The following GFRA1 variants were observed in gnomAD, a reference collection of about 807,000 sequenced individuals.
GFRA1 encodes the protein GDNF family receptor alpha-1.
In GFRA1, 16 loss-of-function variants were observed where a neutral mutation model predicts 51.6. The ratio of observed to expected loss-of-function variants is 0.31; its 90% CI spans 0.21 to 0.47. The LOEUF is 0.47. GFRA1 is among the 20% of genes least tolerant of loss of function. The pLI, the probability that GFRA1 is intolerant of heterozygous loss-of-function variation, is 1.00. For missense variants in GFRA1, 530 were observed against 594.3 expected (o/e 0.89, Z 1.13); for synonymous variants, 270 against 241.3 (o/e 1.12, Z -1.10).
chr10:116,213,716 T>C (rs897952410), intron 4 of GFRA1, among the ~76,000 whole-genome samples: 2 of 152,048 alleles, frequency 1.3e-5, no homozygotes, highest in African/African-American at 4.8e-5. Context: ...ATGCACCTCA[T>C]AGGTTAACAG....
chr10:116,209,786 A>G (rs1229150185), intron 5 of GFRA1, among the ~76,000 whole-genome samples: 2 of 152,030 alleles, frequency 1.3e-5, no homozygotes, highest in Non-Finnish European at 2.9e-5. Context: ...ATATTTTCAT[A>G]AGCAGGATGG....
intron 4 of GFRA1, among the ~76,000 whole-genome samples, chr10:116,223,518 G>A (rs1014480576): frequency 6.6e-6 from 1 of 152,146 alleles, no homozygotes; most frequent in African/African-American, 2.4e-5. Context: ...ATCGTCCCAT[G>A]TCATGGCTGT....
In GFRA1 at chr10:116,272,970, GC is replaced by G. The variant is rs1844070567; in HGVS notation, c.-247+192del. ...CCGCACCCCAGCCCAGGGCGAGCGC[GC>G]CGGCCCGCAGTCCCGGCGTGCCCCG... On this transcript the variant is annotated intron_variant, in intron 1 of 10. Coordinates refer to ENST00000355422, the MANE Select transcript of GFRA1 (RefSeq NM_005264.8). The surrounding 1 kb of genome is among the most constrained non-coding windows in gnomAD (Gnocchi z 4.4). 6.6e-6 allele frequency: 1 copy of G among 152,116 alleles called. No individual in the cohort carries two copies. Among genetic ancestry groups the G allele is most frequent in the African/African-American group, 2.4e-5 (1 of 41,424 alleles). 9.4% of individuals were successfully genotyped at this position (152,116 alleles called of 1,614,324 possible).
Position 116,106,188 on chromosome 10 carries a change from C to A in GFRA1, c.771-9424G>T, listed in dbSNP as rs549892133. On this transcript the variant is annotated intron_variant, in intron 6 of 10. Coordinates refer to ENST00000355422, the MANE Select transcript of GFRA1 (RefSeq NM_005264.8). ...AGAAAGAACTCAGCCCTGCTGACAC[C>A]TTGATTTCAGCCCAGTGAGACCCGA... Among the ~76,000 whole-genome samples the A allele has an allele frequency of 3.3e-5, 5 of 152,282 alleles. No individual in the cohort carries two copies. The South Asian group carries it at 1.0e-3, about 32-fold the overall frequency.
At chr10:116,188,669 C>T (rs555905904) in intron 5 of GFRA1, among the ~76,000 whole-genome samples, 1 of 151,764 alleles carries the variant, frequency 6.6e-6, no homozygotes, top group Admixed American at 6.6e-5. Context: ...TTTGGGAGGC[C>T]GAGGCGGGCA....
chr10:116,098,170 T>C (rs1021044832), intron 6 of GFRA1, among the ~76,000 whole-genome samples: 1 of 152,208 alleles, frequency 6.6e-6, no homozygotes, highest in Admixed American at 6.5e-5. Context: ...CTGCTTTATT[T>C]CCTTTGCACA....
At chr10:116,097,613 G>A (rs1284436827) in intron 6 of GFRA1, among the ~76,000 whole-genome samples, 1 of 152,184 alleles carries the variant, frequency 6.6e-6, no homozygotes, top group Admixed American at 6.5e-5. Flanking sequence ...GGATACTGTT[G>A]GAGAAATCCT....
chr10:116,127,113 AAT>A lies in GFRA1; in HGVS notation c.434-1558_434-1557del, dbSNP rs1216833931. 3.0e-4 allele frequency among the ~76,000 whole-genome samples: 44 copies of A among 145,054 alleles called. No homozygotes were observed. In the East Asian group the frequency reaches 8.8e-3, roughly 29 times the overall value. ...TGGAGAAGAAAATGAAAAAAAAAAAAATGGGGAGTTGCTCTTCAAAGGGAATA... is the reference window on the plus strand; with the variant it reads ...TGGAGAAGAAAATGAAAAAAAAAAAAGGGGAGTTGCTCTTCAAAGGGAATA... On this transcript the variant is annotated intron_variant, in intron 5 of 10. Coordinates refer to ENST00000355422, the MANE Select transcript of GFRA1 (RefSeq NM_005264.8).
At chr10:116,080,815 G>A (rs969690681) in intron 9 of GFRA1, among the ~76,000 whole-genome samples, 2 of 152,198 alleles carry the variant, frequency 1.3e-5, no homozygotes, top group African/African-American at 2.4e-5. Context: ...TCCCCATGGT[G>A]TGGGGAGGAG....
intron 6 of GFRA1, among the ~76,000 whole-genome samples, chr10:116,106,047 G>A (rs1956994177): frequency 6.6e-6 from 1 of 152,156 alleles, no homozygotes; most frequent in Non-Finnish European, 1.5e-5. Flanking sequence ...AAGTGAGGGT[G>A]TCATCGTGAT....
In GFRA1 at chr10:116,125,218, T is replaced by C. The variant is rs759083970; in HGVS notation, c.770+3A>G. ...TAATCACCAGCTGCCAGTGCCCACTTACCTGCAGATGTAATTCGTCTTGCA... is the reference window on the plus strand; with the variant it reads ...TAATCACCAGCTGCCAGTGCCCACTCACCTGCAGATGTAATTCGTCTTGCA... On this transcript the variant is annotated splice_donor_region_variant and intron_variant, in intron 6 of 10. Coordinates refer to ENST00000355422, the MANE Select transcript of GFRA1 (RefSeq NM_005264.8). The C allele has an allele frequency of 3.1e-6, 5 of 1,612,476 alleles. No individual in the cohort carries two copies. The South Asian group carries it at 5.5e-5, about 18-fold the overall frequency.
chr10:116,170,017 CACAT>C (rs1960874222), intron 5 of GFRA1, among the ~76,000 whole-genome samples: 1 of 152,192 alleles, frequency 6.6e-6, no homozygotes, highest in African/African-American at 2.4e-5. Flanking sequence ...TGCACCCACT[CACAT>C]GCATGCACCA....
intron 6 of GFRA1, among the ~76,000 whole-genome samples, chr10:116,110,995 C>T (rs553997343): frequency 6.5e-4 from 99 of 152,258 alleles, no homozygotes; most frequent in Non-Finnish European, 1.3e-3. Flanking sequence ...CTTGAGTCAT[C>T]TGCATCCTAG....
At chr10:116,195,657 AG>A (rs1963674710) in intron 5 of GFRA1, among the ~76,000 whole-genome samples, 1 of 152,198 alleles carries the variant, frequency 6.6e-6, no homozygotes, top group Non-Finnish European at 1.5e-5. Context: ...GCCATGGACC[AG>A]TACCAGTCCA....
intron 5 of GFRA1, among the ~76,000 whole-genome samples, chr10:116,197,105 A>G (rs1251867385): frequency 1.3e-5 from 2 of 151,924 alleles, no homozygotes; most frequent in Admixed American, 1.3e-4. Flanking sequence ...AAGATCCTTC[A>G]TTGCTAGGGT....
At chr10:116,127,223 A>G (rs1957916595) in intron 5 of GFRA1, among the ~76,000 whole-genome samples, 1 of 152,222 alleles carries the variant, frequency 6.6e-6, no homozygotes. Flanking sequence ...TCTATTGTAC[A>G]CTTAAAACTT....
intron 4 of GFRA1, among the ~76,000 whole-genome samples, chr10:116,251,197 G>C (rs1968322488): frequency 6.6e-6 from 1 of 152,164 alleles, no homozygotes; most frequent in South Asian, 2.1e-4. Context: ...AGTTCATCCT[G>C]TCCATGCCAA....
intron 9 of GFRA1, among the ~76,000 whole-genome samples, chr10:116,078,279 A>G (rs1159227224): frequency 6.6e-6 from 1 of 152,222 alleles, no homozygotes; most frequent in African/African-American, 2.4e-5. Context: ...AAAATGCTCT[A>G]TAAGCAGTTA....
chr10:116,135,426 C>T (rs943802148), intron 5 of GFRA1, among the ~76,000 whole-genome samples: 1 of 152,168 alleles, frequency 6.6e-6, no homozygotes, highest in African/African-American at 2.4e-5. Context: ...TATTACAGTT[C>T]CATTGCCAAT....
Sources: gnomAD v4.1 joint callset for allele counts (sites outside exome capture counted in the v4.1 genomes callset) on GRCh38, gnomAD v4.1.1 for gene constraint, Gnocchi (gnomAD v3.1) non-coding constraint, MANE v1.5 for transcripts, NCBI Gene and HGNC (gene_info 2026-07-23, HGNC 2026-07-21) for gene names.